SPAG16: variants seen among roughly 807,000 people sequenced by gnomAD.
The protein encoded by SPAG16 is sperm-associated antigen 16 protein.
SPAG16 carries 86 observed loss-of-function variants against 80.4 expected under a neutral mutation model. The ratio of observed to expected loss-of-function variants is 1.07; its 90% CI spans 0.90 to 1.28. The LOEUF is 1.28. Ranked by LOEUF, SPAG16 falls within the 50% of genes most tolerant of loss-of-function variation. The probability of loss-of-function intolerance (pLI) is 0.00; values close to 1 mark genes in which losing one functional copy is unlikely to be tolerated. For missense variants in SPAG16, 870 were observed against 765.3 expected (o/e 1.14, Z -1.61); for synonymous variants, 294 against 265.9 (o/e 1.11, Z -1.03).
At chr2:213,339,673 A>G (rs544516892) in intron 5 of SPAG16, among the ~76,000 whole-genome samples, 1 of 152,272 alleles carries the variant, frequency 6.6e-6, no homozygotes, top group East Asian at 1.9e-4. Context: ...ATACCATGAA[A>G]TCTTGGTTTT....
At chr2:213,298,286 TC>T (rs1475854814) in intron 3 of SPAG16, among the ~76,000 whole-genome samples, 2 of 152,226 alleles carry the variant, frequency 1.3e-5, no homozygotes, top group African/African-American at 4.8e-5. Flanking sequence ...CATAGCTTCT[TC>T]TTGGTAGACA....
At chr2:214,038,693 TC>T (rs2048842663) in intron 13 of SPAG16, among the ~76,000 whole-genome samples, 1 of 79,406 alleles carries the variant, frequency 1.3e-5, no homozygotes, top group East Asian at 4.0e-4. Context: ...CCCTCCCCCC[TC>T]CCCCTACCCC....
At chr2:213,914,894 C>G (rs1024037889) in intron 11 of SPAG16, among the ~76,000 whole-genome samples, 1 of 151,964 alleles carries the variant, frequency 6.6e-6, no homozygotes, top group Non-Finnish European at 1.5e-5. Flanking sequence ...AGAACTTTGT[C>G]AAACACATAG....
intron 15 of SPAG16, among the ~76,000 whole-genome samples, chr2:214,199,694 A>G (rs1030953400): frequency 6.6e-6 from 1 of 152,146 alleles, no homozygotes; most frequent in Non-Finnish European, 1.5e-5. Flanking sequence ...TTTAGGCAGT[A>G]TGGTCATTTT....
chr2:214,160,377 T>C (rs1319171254), intron 15 of SPAG16, among the ~76,000 whole-genome samples: 1 of 151,944 alleles, frequency 6.6e-6, no homozygotes, highest in Non-Finnish European at 1.5e-5. Context: ...CTTATCCAAA[T>C]TTGGTTGTAA....
chr2:214,068,378 G>C (rs138108279), intron 13 of SPAG16, among the ~76,000 whole-genome samples: 10 of 151,962 alleles, frequency 6.6e-5, no homozygotes, highest in Non-Finnish European at 1.2e-4. Context: ...AGAATAAAAG[G>C]CATATTTTAA....
intron 9 of SPAG16, among the ~76,000 whole-genome samples, chr2:213,441,478 G>A (rs1575596545): frequency 6.6e-6 from 1 of 152,182 alleles, no homozygotes; most frequent in South Asian, 2.1e-4. Context: ...AAGACAAGAG[G>A]TAAAGGGGTA....
intron 10 of SPAG16, among the ~76,000 whole-genome samples, chr2:213,790,588 A>T (rs1256118051): frequency 6.6e-6 from 1 of 151,792 alleles, no homozygotes; most frequent in African/African-American, 2.4e-5. Flanking sequence ...AGTTATTATA[A>T]TATTTGTTTT....
intron 10 of SPAG16, among the ~76,000 whole-genome samples, chr2:213,854,056 A>G (rs2075037991): frequency 6.6e-6 from 1 of 152,226 alleles, no homozygotes; most frequent in African/African-American, 2.4e-5. Flanking sequence ...TGAAATCCCT[A>G]TCATGAAAGA....
intron 15 of SPAG16, among the ~76,000 whole-genome samples, chr2:214,177,333 C>T (rs1027528204): frequency 1.3e-5 from 2 of 150,952 alleles, no homozygotes. Flanking sequence ...AAAATCTAAC[C>T]CTTTAGATGA....
intron 11 of SPAG16, among the ~76,000 whole-genome samples, chr2:213,867,319 C>T (rs1291599886): frequency 1.3e-5 from 2 of 152,160 alleles, no homozygotes; most frequent in Admixed American, 6.5e-5. Context: ...AGGGAATGTG[C>T]ATTAGCACTA....
intron 11 of SPAG16, among the ~76,000 whole-genome samples, chr2:213,924,546 G>A (rs2078375339): frequency 6.6e-6 from 1 of 152,174 alleles, no homozygotes; most frequent in Admixed American, 6.5e-5. Context: ...CTCTCTGTGA[G>A]AGCAGCACAT....
Position 213,482,594 on chromosome 2 carries a change from C to T in SPAG16, c.943-7369C>T, listed in dbSNP as rs1187566483. On this transcript the variant is annotated intron_variant, in intron 9 of 15. Coordinates refer to ENST00000331683, the MANE Select transcript of SPAG16 (RefSeq NM_024532.5). ...ATTTAAAAATGTTCATTTTTATTAA[C>T]TAATAAACTGAGATTTAGGTTTAGG... is the stretch of plus-strand genomic sequence containing the variant. 2.0e-5 allele frequency among the ~76,000 whole-genome samples: 3 copies of T among 151,714 alleles called. No homozygotes were observed. The East Asian group carries it at 5.8e-4, about 29-fold the overall frequency.
chr2:214,322,155 A>G (rs1696139051), intron 15 of SPAG16, among the ~76,000 whole-genome samples: 1 of 152,160 alleles, frequency 6.6e-6, no homozygotes, highest in African/African-American at 2.4e-5. Context: ...TTTGTTTTAG[A>G]TCCCCCTCTT....
At chr2:213,447,302 CCT>C (rs2125556696) in intron 9 of SPAG16, among the ~76,000 whole-genome samples, 1 of 152,258 alleles carries the variant, frequency 6.6e-6, no homozygotes, top group Admixed American at 6.5e-5. Flanking sequence ...CCCCACAAGG[CCT>C]CATATGATAT....
chr2:213,906,074 T>C (rs1161456305), intron 11 of SPAG16, among the ~76,000 whole-genome samples: 2 of 152,116 alleles, frequency 1.3e-5, no homozygotes, highest in African/African-American at 4.8e-5. Flanking sequence ...CAGGAAGGTC[T>C]TATGTGCTTT....
intron 13 of SPAG16, among the ~76,000 whole-genome samples, chr2:214,076,474 TA>T (rs1348970544): frequency 2.6e-5 from 4 of 151,760 alleles, no homozygotes; most frequent in Non-Finnish European, 5.9e-5. Flanking sequence ...AAGTGAAAAT[TA>T]GGGTATCTCA....
chr2:213,385,287 C>T (rs759637503), intron 9 of SPAG16, among the ~76,000 whole-genome samples: 1 of 152,122 alleles, frequency 6.6e-6, no homozygotes, highest in Non-Finnish European at 1.5e-5. Context: ...TCACTTTTTC[C>T]CCTAAGCTTC....
chr2:213,673,869 T>G (rs940126358), intron 10 of SPAG16, among the ~76,000 whole-genome samples: 4 of 152,162 alleles, frequency 2.6e-5, no homozygotes, highest in Non-Finnish European at 5.9e-5. Context: ...TCATTCCATT[T>G]CTAGTTGTTT....
Sources: allele counts gnomAD v4.1 joint callset (sites outside exome capture counted in the v4.1 genomes callset), GRCh38; gene constraint gnomAD v4.1.1; transcripts MANE v1.5; gene names NCBI Gene and HGNC (gene_info 2026-07-23, HGNC 2026-07-21).